GALNTL6: variants seen among roughly 807,000 people sequenced by gnomAD.
GALNTL6 encodes the protein polypeptide N-acetylgalactosaminyltransferase-like 6.
In GALNTL6, 46 loss-of-function variants were observed where a neutral mutation model predicts 73.7. The observed-to-expected ratio is 0.62, with a 90% CI of 0.49 to 0.80. The LOEUF (loss-of-function observed/expected upper bound fraction) is 0.80, where lower values mean the gene tolerates loss of function less well. GALNTL6 is among the 30% of genes least tolerant of loss of function. The pLI is 0.00. For missense variants in GALNTL6, 604 were observed against 755.0 expected (o/e 0.80, Z 2.34); for synonymous variants, 259 against 263.7 (o/e 0.98, Z 0.17).
chr4:172,694,393 T>C (rs1474572097), intron 5 of GALNTL6, among the ~76,000 whole-genome samples: 1 of 152,080 alleles, frequency 6.6e-6, no homozygotes, highest in Non-Finnish European at 1.5e-5. Flanking sequence ...GAACATGCAG[T>C]GTTTTGTTTT....
At chr4:172,981,674 ATTTTGGGTCCC>A (rs1751067783) in intron 10 of GALNTL6, among the ~76,000 whole-genome samples, 1 of 151,526 alleles carries the variant, frequency 6.6e-6, no homozygotes, top group East Asian at 1.9e-4. Context: ...TGTTTTGGCT[ATTTTGGGTCCC>A]TTGAGATTCC....
chr4:172,587,160 T>C (rs1314437542), intron 5 of GALNTL6, among the ~76,000 whole-genome samples: 1 of 152,226 alleles, frequency 6.6e-6, no homozygotes, highest in Non-Finnish European at 1.5e-5. Context: ...GATCCCCTGT[T>C]CACCTGTTCT....
rs74749963 is a variant in GALNTL6 at position 172,012,415 on chromosome 4, T to C, written c.138+197697T>C. The stretch of plus-strand genomic sequence containing the variant: ...CCTAGGGTGAAACCCCCTTCCCACA[T>C]GTTCTACCATATTCCTTTGTAATAT... On this transcript the variant is annotated intron_variant, in intron 2 of 12. Coordinates refer to ENST00000506823, the MANE Select transcript of GALNTL6 (RefSeq NM_001034845.3). Among the ~76,000 whole-genome samples, 87 of 152,258 alleles carry C rather than the reference T, an allele frequency of 5.7e-4. No individual in the cohort carries two copies. In the East Asian group the frequency reaches 0.014, roughly 24 times the overall value.
At chr4:172,808,399 T>C (rs1253505952) in intron 5 of GALNTL6, among the ~76,000 whole-genome samples, 1 of 152,208 alleles carries the variant, frequency 6.6e-6, no homozygotes, top group Non-Finnish European at 1.5e-5. Context: ...TGCCTTTGAT[T>C]GAAGACATGA....
At chr4:172,226,319 C>T (rs140076917) in intron 2 of GALNTL6, among the ~76,000 whole-genome samples, 2 of 152,168 alleles carry the variant, frequency 1.3e-5, no homozygotes, top group African/African-American at 4.8e-5. Context: ...GTCTTTCCCT[C>T]AACCTCCAGT....
At chr4:172,206,720 C>T (rs1451207886) in intron 2 of GALNTL6, among the ~76,000 whole-genome samples, 1 of 151,180 alleles carries the variant, frequency 6.6e-6, no homozygotes, top group Non-Finnish European at 1.5e-5. Context: ...TGCAAAGTCC[C>T]TGAGTCTGGG....
intron 5 of GALNTL6, among the ~76,000 whole-genome samples, chr4:172,356,376 A>G (rs771562621): frequency 2.0e-5 from 3 of 152,126 alleles, no homozygotes; most frequent in Non-Finnish European, 2.9e-5. Flanking sequence ...TAATAATGCA[A>G]TGTTCAGTAT....
chr4:172,186,563 G>T (rs1735420191), intron 2 of GALNTL6, among the ~76,000 whole-genome samples: 1 of 152,194 alleles, frequency 6.6e-6, no homozygotes, highest in South Asian at 2.1e-4. Context: ...ACAGACAATG[G>T]TATATTATTC....
intron 3 of GALNTL6, among the ~76,000 whole-genome samples, chr4:172,248,245 T>G (rs1560988944): frequency 6.6e-6 from 1 of 152,230 alleles, no homozygotes; most frequent in Non-Finnish European, 1.5e-5. Context: ...GAAAATACTT[T>G]CATTAGCAAC....
At chr4:172,477,678 T>C (rs1048380845) in intron 5 of GALNTL6, among the ~76,000 whole-genome samples, 5 of 152,242 alleles carry the variant, frequency 3.3e-5, no homozygotes, top group African/African-American at 9.6e-5. Context: ...TGCTGTGATT[T>C]GTAATTCATC....
Position 172,101,632 on chromosome 4 carries a change from T to C in GALNTL6, c.139-128024T>C, listed in dbSNP as rs148858259. On this transcript the variant is annotated intron_variant, in intron 2 of 12. Coordinates refer to ENST00000506823, the MANE Select transcript of GALNTL6 (RefSeq NM_001034845.3). ...ATTTGCCTCTTTTTTTGTAATTATT[T>C]TGGTATTATCTAGAGACAGTCTTTG... Among the ~76,000 whole-genome samples the C allele has an allele frequency of 1.8e-3, 269 of 152,316 alleles. 1 individual carries two copies. The highest frequency in any genetic ancestry group is 6.3e-3 in the African/African-American group (261 of 41,580).
intron 5 of GALNTL6, among the ~76,000 whole-genome samples, chr4:172,702,730 A>G (rs1734097370): frequency 1.3e-5 from 2 of 152,028 alleles, no homozygotes; most frequent in South Asian, 4.1e-4. Flanking sequence ...GAGGCTGAAT[A>G]AATTTCTGAG....
rs1452447143 is a variant in GALNTL6, at chr4:172,464,564, G to A, written c.553+115875G>A. Among the ~76,000 whole-genome samples, 4 of 151,918 alleles carry A rather than the reference G, an allele frequency of 2.6e-5. 1 individual carries two copies. Among genetic ancestry groups the A allele is most frequent in the African/African-American group, 9.7e-5 (4 of 41,338 alleles). ...CTCTACTAAAAATACAAAATTAGCC[G>A]AGTGTGGTGGCGCATGCCTGTAGTC... On this transcript the variant is annotated intron_variant, in intron 5 of 12. Coordinates refer to ENST00000506823, the MANE Select transcript of GALNTL6 (RefSeq NM_001034845.3).
chr4:172,778,815 C>T (rs552319885), intron 5 of GALNTL6, among the ~76,000 whole-genome samples: 272 of 152,334 alleles, frequency 1.8e-3, no homozygotes, highest in African/African-American at 6.4e-3. Flanking sequence ...CACAGTCCCT[C>T]CTGGAACTTC....
intron 2 of GALNTL6, among the ~76,000 whole-genome samples, chr4:171,937,762 A>T (rs533059807): frequency 2.4e-4 from 36 of 152,194 alleles, no homozygotes; most frequent in Non-Finnish European, 4.4e-4. Context: ...AAAGTAGCGA[A>T]GTAAATGGAG....
intron 2 of GALNTL6, among the ~76,000 whole-genome samples, chr4:172,075,203 T>C (rs530459692): frequency 6.6e-6 from 1 of 152,326 alleles, no homozygotes; most frequent in African/African-American, 2.4e-5. Flanking sequence ...TTTCAAATAA[T>C]GTATGAGCTA....
chr4:172,023,386 T>G (rs536882624), intron 2 of GALNTL6, among the ~76,000 whole-genome samples: 146 of 152,026 alleles, frequency 9.6e-4, no homozygotes, highest in African/African-American at 3.3e-3. Flanking sequence ...ATAACTGCTA[T>G]GCAATTATCA....
chr4:172,460,577 A>T (rs1455265851), intron 5 of GALNTL6, among the ~76,000 whole-genome samples: 2 of 152,248 alleles, frequency 1.3e-5, no homozygotes, highest in African/African-American at 4.8e-5. Flanking sequence ...GACACTTCTC[A>T]AAAGAAGACA....
chr4:172,538,377 G>C (rs963755958), intron 5 of GALNTL6, among the ~76,000 whole-genome samples: 3 of 151,962 alleles, frequency 2.0e-5, no homozygotes, highest in African/African-American at 7.2e-5. Flanking sequence ...GGAGAATGGC[G>C]TGAACCCAGG....
Sources: gnomAD v4.1 joint callset for allele counts (sites outside exome capture counted in the v4.1 genomes callset) on GRCh38, gnomAD v4.1.1 for gene constraint, MANE v1.5 for transcripts, NCBI Gene and HGNC (gene_info 2026-07-23, HGNC 2026-07-21) for gene names.